GRAMD4: variants seen among roughly 807,000 people sequenced by gnomAD.
GRAMD4 encodes the protein GRAM domain-containing protein 4.
GRAMD4 carries 25 observed loss-of-function variants against 83.9 expected under a neutral mutation model. The observed-to-expected ratio is 0.30, with a 90% CI of 0.22 to 0.42. The LOEUF (loss-of-function observed/expected upper bound fraction) is 0.42. Among genes scored for constraint, GRAMD4 ranks in the 10% least tolerant of loss-of-function variants. GRAMD4 has a pLI of 1.00. For synonymous variants in GRAMD4, 336 were observed against 320.9 expected (o/e 1.05, Z -0.50); for missense variants, 593 against 788.7 (o/e 0.75, Z 2.97).
intron 3 of GRAMD4, among the ~76,000 whole-genome samples, chr22:46,640,794 C>T (rs2081963701): frequency 6.6e-6 from 1 of 152,118 alleles, no homozygotes; most frequent in Non-Finnish European, 1.5e-5. Context: ...CCGACACGCC[C>T]TCTCCCTGCC....
intron 1 of GRAMD4, among the ~76,000 whole-genome samples, chr22:46,595,401 G>T (rs1569250055): frequency 6.6e-6 from 1 of 152,198 alleles, no homozygotes; most frequent in East Asian, 1.9e-4. Flanking sequence ...TGCCACAAAG[G>T]TCCCCCACCC....
intron 1 of GRAMD4, among the ~76,000 whole-genome samples, chr22:46,577,464 C>A (rs2081054281): frequency 6.7e-6 from 1 of 149,354 alleles, no homozygotes; most frequent in African/African-American, 2.4e-5. Flanking sequence ...GCGGGCGCGC[C>A]CCGCACACGC....
chr22:46,611,303 A>G (rs1032161696), intron 1 of GRAMD4, among the ~76,000 whole-genome samples: 11 of 152,018 alleles, frequency 7.2e-5, no homozygotes, highest in Non-Finnish European at 8.8e-5. Context: ...AGAGGGGCCT[A>G]TGAGCTGCCA....
downstream of GRAMD4, chr22:46,679,831 G>T (rs2082649913): frequency 1.0e-6 from 1 of 980,972 alleles, no homozygotes; most frequent in Non-Finnish European, 1.2e-6. Flanking sequence ...CGCATTGTAG[G>T]CGGCCTGAGC....
intron 1 of GRAMD4, among the ~76,000 whole-genome samples, chr22:46,591,028 C>G (rs377698359): frequency 4.8e-4 from 73 of 151,572 alleles, no homozygotes; most frequent in African/African-American, 1.7e-3. Flanking sequence ...CCACCGGACT[C>G]CAGCCTGGGT....
At chr22:46,610,631 C>T (rs1170411311) in intron 1 of GRAMD4, among the ~76,000 whole-genome samples, 1 of 152,226 alleles carries the variant, frequency 6.6e-6, no homozygotes, top group Middle Eastern at 3.2e-3. Flanking sequence ...AGCCTGCTTT[C>T]AGACAGCTTT....
At chr22:46,653,401 G>A (rs183431902) in intron 3 of GRAMD4, among the ~76,000 whole-genome samples, 1 of 152,358 alleles carries the variant, frequency 6.6e-6, no homozygotes, top group Admixed American at 6.5e-5. Flanking sequence ...GGTCCAGGGT[G>A]GAAAGAGGGG....
chr22:46,625,339 C>G (rs2081641490), intron 1 of GRAMD4, among the ~76,000 whole-genome samples: 1 of 152,224 alleles, frequency 6.6e-6, no homozygotes, highest in Admixed American at 6.5e-5. Context: ...AACTGTGATG[C>G]TGAGGAGAGC....
chr22:46,629,247 G>A lies in GRAMD4; in HGVS notation c.162+2286G>A, dbSNP rs147864442. Among the ~76,000 whole-genome samples the A allele has an allele frequency of 9.0e-3, 1,365 of 152,260 alleles. 24 individuals carry two copies. Among genetic ancestry groups the A allele is most frequent in the African/African-American group, 0.032 (1,312 of 41,522 alleles). On this transcript the variant is annotated intron_variant, in intron 2 of 18. Transcript: ENST00000406902. ...TTCCTTAGCTGTGTAACCTGGACCT[G>A]AGCCTCAGTATCCTCAGCTTTTAAG... is the stretch of plus-strand genomic sequence containing the variant.
intron 3 of GRAMD4, among the ~76,000 whole-genome samples, chr22:46,652,639 T>A (rs1569291321): frequency 6.6e-6 from 1 of 152,156 alleles, no homozygotes. Context: ...CCCGGCGTCC[T>A]CAGTGTCTGT....
intron 1 of GRAMD4, among the ~76,000 whole-genome samples, chr22:46,605,698 C>T (rs940349862): frequency 1.3e-5 from 2 of 152,274 alleles, no homozygotes; most frequent in African/African-American, 2.4e-5. Context: ...CCCCCAGTGA[C>T]GACTGTGCTG....
intron 1 of GRAMD4, among the ~76,000 whole-genome samples, chr22:46,591,076 A>C (rs80024708): frequency 8.8e-6 from 1 of 113,670 alleles, no homozygotes; most frequent in Non-Finnish European, 1.9e-5. Context: ...AAAAGAAAAA[A>C]AAACAAACAA....
In GRAMD4 at chr22:46,675,462, T is replaced by A. The variant is rs775012711; in HGVS notation, c.1479-6T>A. On this transcript the variant is annotated splice_region_variant and splice_polypyrimidine_tract_variant and intron_variant, in intron 16 of 18. Transcript: ENST00000406902. Reference sequence around the variant, plus strand: ...CAGGCGACGCCTCTGTCCGTTCCCCTTCCAGTTACTTGTGCTTCGAAAGCT... The same window carrying A: ...CAGGCGACGCCTCTGTCCGTTCCCCATCCAGTTACTTGTGCTTCGAAAGCT... The A allele has an allele frequency of 1.9e-6, 3 of 1,606,706 alleles. No individual in the cohort carries two copies. Among genetic ancestry groups the A allele is most frequent in the Non-Finnish European group, 2.6e-6 (3 of 1,173,654 alleles).
At chr22:46,589,115 C>A (rs2081181024) in intron 1 of GRAMD4, among the ~76,000 whole-genome samples, 1 of 152,022 alleles carries the variant, frequency 6.6e-6, no homozygotes, top group Non-Finnish European at 1.5e-5. Context: ...GGCGACACTC[C>A]CCAGCCTGCT....
chr22:46,612,843 C>A (rs1338001065), intron 1 of GRAMD4, among the ~76,000 whole-genome samples: 2 of 152,214 alleles, frequency 1.3e-5, no homozygotes. Flanking sequence ...TTCCCTGACG[C>A]GGTCTCCTGC....
chr22:46,630,218 G>A (rs570385279), intron 2 of GRAMD4, among the ~76,000 whole-genome samples: 6 of 152,152 alleles, frequency 3.9e-5, no homozygotes, highest in African/African-American at 1.4e-4. Context: ...TAGAGACGGG[G>A]TTTCGCCGTG....
intron 3 of GRAMD4, among the ~76,000 whole-genome samples, chr22:46,655,042 G>A (rs780279263): frequency 2.4e-4 from 36 of 152,188 alleles, no homozygotes; most frequent in Non-Finnish European, 2.1e-4. Flanking sequence ...AAGTCACTCG[G>A]GGAAGTGGTA....
At chr22:46,607,493 G>A (rs2081377121) in intron 1 of GRAMD4, among the ~76,000 whole-genome samples, 1 of 152,150 alleles carries the variant, frequency 6.6e-6, no homozygotes, top group Non-Finnish European at 1.5e-5. Flanking sequence ...GAGGCACCGG[G>A]CAGGTTACTG....
intron 1 of GRAMD4, among the ~76,000 whole-genome samples, chr22:46,614,092 A>G (rs1225277166): frequency 6.6e-6 from 1 of 152,200 alleles, no homozygotes; most frequent in Non-Finnish European, 1.5e-5. Context: ...AAATACATTA[A>G]CTTGCAGTTA....
Sources: gnomAD v4.1 joint callset for allele counts (sites outside exome capture counted in the v4.1 genomes callset) on GRCh38, gnomAD v4.1.1 for gene constraint, MANE v1.5 for transcripts, NCBI Gene and HGNC (gene_info 2026-07-23, HGNC 2026-07-21) for gene names.